SV2C: variants seen among roughly 807,000 people sequenced by gnomAD.
SV2C encodes the protein synaptic vesicle glycoprotein 2C, also known as solute carrier family 22 member B3.
Under a neutral mutation model 79.7 loss-of-function variants are expected in SV2C, and 49 were observed. That is an observed-to-expected ratio of 0.61 (90% CI 0.49 to 0.78). The LOEUF is 0.78. SV2C is among the 30% of genes least tolerant of loss of function. The pLI, the probability that SV2C is intolerant of heterozygous loss-of-function variation, is 0.00. For synonymous variants in SV2C, 334 were observed against 333.2 expected, an observed-to-expected ratio of 1.00 and a Z score of -0.03; for missense variants, 833 against 912.9, an observed-to-expected ratio of 0.91 and a Z score of 1.13.
intron 4 of SV2C, among the ~76,000 whole-genome samples, chr5:76,220,175 G>C (rs1243198333): frequency 6.6e-6 from 1 of 152,148 alleles, no homozygotes; most frequent in Non-Finnish European, 1.5e-5. Context: ...GATTATAAAT[G>C]AAATCAATTG....
the SV2C span, among the ~76,000 whole-genome samples, chr5:76,032,817 G>A: frequency 6.6e-6 from 1 of 152,162 alleles, no homozygotes; most frequent in Non-Finnish European, 1.5e-5. Flanking sequence ...CCGGAAAATC[G>A]CCACACTGAC....
At chr5:76,239,971 A>G (rs535104769) in intron 4 of SV2C, among the ~76,000 whole-genome samples, 1 of 152,288 alleles carries the variant, frequency 6.6e-6, no homozygotes, top group African/African-American at 2.4e-5. Flanking sequence ...AGAAGTCAGA[A>G]AAAATATTTT....
intron 1 of SV2C, among the ~76,000 whole-genome samples, chr5:76,115,349 C>T (rs1748230280): frequency 6.6e-6 from 1 of 152,110 alleles, no homozygotes; most frequent in Non-Finnish European, 1.5e-5. Context: ...GATAGGCGTA[C>T]AGGGGAAAGG....
chr5:76,159,334 A>G (rs1742832044), intron 2 of SV2C, among the ~76,000 whole-genome samples: 1 of 152,096 alleles, frequency 6.6e-6, no homozygotes, highest in East Asian at 1.9e-4. Flanking sequence ...AGAAGAAACA[A>G]AAGTATCTCT....
chr5:75,889,332 T>C, the SV2C span, among the ~76,000 whole-genome samples: 1 of 149,514 alleles, frequency 6.7e-6, no homozygotes, highest in Non-Finnish European at 1.5e-5. Context: ...CTCCCACTTA[T>C]GAATGAGAAC....
chr5:75,946,380 T>C, the SV2C span, among the ~76,000 whole-genome samples: 2 of 152,176 alleles, frequency 1.3e-5, no homozygotes, highest in African/African-American at 4.8e-5. Flanking sequence ...CATTTGATCA[T>C]ATTTCTGTGA....
the SV2C span, among the ~76,000 whole-genome samples, chr5:75,869,345 G>A: frequency 6.3e-4 from 96 of 152,320 alleles, no homozygotes; most frequent in African/African-American, 2.2e-3. Context: ...TGGGCATTAA[G>A]GGAATATCAT....
chr5:76,330,364 G>T lies in SV2C; in HGVS notation c.*4817G>T, dbSNP rs1430061526. 1 of 152,186 alleles carries T rather than the reference G, an allele frequency of 6.6e-6. No homozygotes were observed. Among genetic ancestry groups the T allele is most frequent in the Non-Finnish European group, 1.5e-5 (1 of 68,058 alleles). The allele number at this position is 152,186 out of a possible 1,614,324, so 9.4% of individuals were successfully genotyped here. On this transcript the variant is annotated 3_prime_UTR_variant, in exon 13 of 13. Coordinates refer to ENST00000502798, the MANE Select transcript of SV2C (RefSeq NM_014979.4). ...CATGGTTGGGCAGGGGAAGAGCTGA[G>T]CCGAGCCTTCACTGATCTCTTGTCA...
At chr5:76,069,025 C>T in the SV2C span, among the ~76,000 whole-genome samples, 1 of 152,210 alleles carries the variant, frequency 6.6e-6, no homozygotes, top group South Asian at 2.1e-4. Context: ...AGGTATGCAG[C>T]TCACCCAGTT....
the SV2C span, among the ~76,000 whole-genome samples, chr5:75,883,150 C>G: frequency 7.2e-6 from 1 of 139,798 alleles, no homozygotes; most frequent in African/African-American, 2.9e-5. Flanking sequence ...GATACCATCT[C>G]ACACCAGTTA....
At chr5:76,034,440 T>G in the SV2C span, among the ~76,000 whole-genome samples, 2 of 152,244 alleles carry the variant, frequency 1.3e-5, no homozygotes, top group African/African-American at 4.8e-5. Context: ...CCTAATTTAT[T>G]GAGAATTTTT....
At chr5:76,099,143 A>T (rs532479938) in intron 1 of SV2C, among the ~76,000 whole-genome samples, 4 of 152,166 alleles carry the variant, frequency 2.6e-5, no homozygotes, top group Non-Finnish European at 5.9e-5. Flanking sequence ...CCCAGATATG[A>T]TGGAAAATAA....
chr5:76,096,464 G>A (rs768447606), intron 1 of SV2C, among the ~76,000 whole-genome samples: 1 of 152,132 alleles, frequency 6.6e-6, no homozygotes, highest in South Asian at 2.1e-4. Flanking sequence ...CTGTAAATTG[G>A]CTGAGGGCTA....
chr5:76,286,278 C>T (rs1747355198), intron 6 of SV2C, among the ~76,000 whole-genome samples: 1 of 152,088 alleles, frequency 6.6e-6, no homozygotes, highest in South Asian at 2.1e-4. Flanking sequence ...GGTGTAGGGA[C>T]TGCCAGCTGA....
intron 4 of SV2C, among the ~76,000 whole-genome samples, chr5:76,272,608 G>A (rs1001782865): frequency 6.6e-6 from 1 of 152,098 alleles, no homozygotes; most frequent in Non-Finnish European, 1.5e-5. Context: ...AAGGTGTTTT[G>A]TTTTGTTTTG....
intron 4 of SV2C, among the ~76,000 whole-genome samples, chr5:76,219,241 T>C (rs962895755): frequency 6.6e-6 from 1 of 152,210 alleles, no homozygotes; most frequent in Admixed American, 6.5e-5. Flanking sequence ...AGGGAAGTGA[T>C]TTGGTACATT....
chr5:76,136,491 T>C (rs1749073982), intron 2 of SV2C, among the ~76,000 whole-genome samples: 1 of 152,140 alleles, frequency 6.6e-6, no homozygotes, highest in South Asian at 2.1e-4. Context: ...GTTGTTACAA[T>C]GTGACAAATA....
At chr5:75,935,108 A>AT in the SV2C span, among the ~76,000 whole-genome samples, 1 of 152,180 alleles carries the variant, frequency 6.6e-6, no homozygotes, top group East Asian at 1.9e-4. Context: ...CATGATTGAA[A>AT]TTTCATATTT....
At chr5:75,860,156 A>G in the SV2C span, among the ~76,000 whole-genome samples, 4 of 152,318 alleles carry the variant, frequency 2.6e-5, no homozygotes, top group South Asian at 8.3e-4. Flanking sequence ...GACTCTGTCA[A>G]AAGGCTCCTG....
Sources: allele counts gnomAD v4.1 joint callset (sites outside exome capture counted in the v4.1 genomes callset), GRCh38; gene constraint gnomAD v4.1.1; transcripts MANE v1.5; gene names NCBI Gene and HGNC (gene_info 2026-07-23, HGNC 2026-07-21).